The following ELMO1 variants were observed in gnomAD, a reference collection of about 807,000 sequenced individuals.
The protein encoded by ELMO1 is engulfment and cell motility 1, also known as engulfment and cell motility protein 1.
In ELMO1, 26 loss-of-function variants were observed where a neutral mutation model predicts 98.9. That is an observed-to-expected ratio of 0.26 (90% CI 0.19 to 0.36). The LOEUF (loss-of-function observed/expected upper bound fraction) is 0.36. Among genes scored for constraint, ELMO1 ranks in the 10% least tolerant of loss-of-function variants. ELMO1 has a pLI of 1.00. For missense variants in ELMO1, 627 were observed against 935.2 expected (o/e 0.67, Z 4.30); for synonymous variants, 346 against 346.0 (o/e 1.00, Z 0.00).
intron 15 of ELMO1, among the ~76,000 whole-genome samples, chr7:37,032,977 G>A (rs952588410): frequency 3.9e-5 from 6 of 152,054 alleles, no homozygotes; most frequent in African/African-American, 9.7e-5. Context: ...AGGATGGGTG[G>A]AATCTAAATC....
At chr7:37,333,508 G>A (rs1305950353) in intron 2 of ELMO1, among the ~76,000 whole-genome samples, 1 of 152,182 alleles carries the variant, frequency 6.6e-6, no homozygotes, top group Non-Finnish European at 1.5e-5. Context: ...GAAGGAAAAG[G>A]AGAATGCCAG....
intron 13 of ELMO1, among the ~76,000 whole-genome samples, chr7:37,174,606 T>G (rs1790398934): frequency 6.6e-6 from 1 of 152,132 alleles, no homozygotes; most frequent in African/African-American, 2.4e-5. Context: ...TGAGCTTAAG[T>G]GTCACTCCTG....
intron 1 of ELMO1, among the ~76,000 whole-genome samples, chr7:37,382,093 T>C (rs1375390698): frequency 6.6e-6 from 1 of 152,204 alleles, no homozygotes; most frequent in Admixed American, 6.5e-5. Context: ...AATTTTGAAA[T>C]ATTTTAGCTA....
chr7:37,376,017 T>C, intron 1 of ELMO1: 1 of 478,950 alleles, frequency 2.1e-6, no homozygotes. Context: ...GTCAGCCACC[T>C]CAGTAAAACT....
At chr7:37,392,464 G>A (rs972248196) in intron 1 of ELMO1, among the ~76,000 whole-genome samples, 2 of 152,194 alleles carry the variant, frequency 1.3e-5, no homozygotes, top group African/African-American at 2.4e-5. Flanking sequence ...GAGGCCATTC[G>A]CATATCTAAA....
At chr7:37,389,530 T>G (rs1460146504) in intron 1 of ELMO1, among the ~76,000 whole-genome samples, 1 of 152,212 alleles carries the variant, frequency 6.6e-6, no homozygotes, top group Non-Finnish European at 1.5e-5. Flanking sequence ...ACCTGAAATG[T>G]GTACACTTCA....
chr7:37,117,239 C>A (rs1312819942), intron 14 of ELMO1: 3 of 154,518 alleles, frequency 1.9e-5, no homozygotes, highest in Non-Finnish European at 2.9e-5. Context: ...CAACGGCAAA[C>A]AAACAAGCAA....
chr7:37,154,104 G>T (rs537767135), intron 13 of ELMO1, among the ~76,000 whole-genome samples: 1 of 152,128 alleles, frequency 6.6e-6, no homozygotes. Flanking sequence ...CAAACAGAAA[G>T]GAATAGCATC....
intron 2 of ELMO1, among the ~76,000 whole-genome samples, chr7:37,341,819 A>T (rs1354549464): frequency 6.6e-6 from 1 of 152,230 alleles, no homozygotes; most frequent in Non-Finnish European, 1.5e-5. Flanking sequence ...CCTATACTAT[A>T]TACATTATGA....
chr7:37,337,110 T>C (rs774615088), intron 2 of ELMO1, among the ~76,000 whole-genome samples: 5 of 152,196 alleles, frequency 3.3e-5, no homozygotes, highest in Middle Eastern at 6.3e-3. Context: ...CGTATGTTTA[T>C]TGCGGCACTA....
At chr7:37,335,230 T>G (rs957609525) in intron 2 of ELMO1, among the ~76,000 whole-genome samples, 3 of 152,102 alleles carry the variant, frequency 2.0e-5, no homozygotes, top group African/African-American at 7.2e-5. Context: ...CAGAAAAGGT[T>G]TGAGTACAAA....
chr7:37,258,540 G>A (rs1037547046), intron 6 of ELMO1, among the ~76,000 whole-genome samples: 1 of 152,104 alleles, frequency 6.6e-6, no homozygotes, highest in South Asian at 2.1e-4. Context: ...CCATATGATA[G>A]TCTCCATCAA....
intron 15 of ELMO1, among the ~76,000 whole-genome samples, chr7:37,037,326 T>C (rs534330570): frequency 1.3e-5 from 2 of 152,316 alleles, no homozygotes; most frequent in Admixed American, 6.5e-5. Context: ...TAACCTTTCA[T>C]TTATTACAGG....
rs559964289 is a variant in ELMO1 at position 37,342,036 on chromosome 7, T to C, written c.78+577A>G. 9.1e-4 allele frequency among the ~76,000 whole-genome samples: 139 copies of C among 152,330 alleles called. 1 individual carries two copies. The highest frequency in any genetic ancestry group is 3.2e-3 in the African/African-American group (135 of 41,570). On this transcript the variant is annotated intron_variant, in intron 2 of 21. Coordinates refer to ENST00000310758, the MANE Select transcript of ELMO1 (RefSeq NM_014800.11). The surrounding 1 kb of genome is among the most constrained non-coding windows in gnomAD (Gnocchi z 4.3). ...ACTTTTATAAGTCTTCTTGATATTT[T>C]TTAATTCAATAAACATTTGTTGAGT...
chr7:36,983,466 C>T (rs953115545), intron 16 of ELMO1, among the ~76,000 whole-genome samples: 1 of 152,220 alleles, frequency 6.6e-6, no homozygotes, highest in Admixed American at 6.5e-5. Flanking sequence ...CCCCTATATA[C>T]TCACTCTCCT....
At chr7:37,328,009 G>A (rs1307352574) in intron 2 of ELMO1, among the ~76,000 whole-genome samples, 2 of 152,048 alleles carry the variant, frequency 1.3e-5, no homozygotes, top group Non-Finnish European at 1.5e-5. Context: ...TTTTTTGAGT[G>A]ACTACCATAT....
chr7:37,076,082 C>T (rs1797562780), intron 15 of ELMO1, among the ~76,000 whole-genome samples: 1 of 152,188 alleles, frequency 6.6e-6, no homozygotes, highest in Non-Finnish European at 1.5e-5. Flanking sequence ...TAATGAAACA[C>T]TTCCCTTTGC....
At chr7:36,957,638 A>C (rs993238245) in intron 16 of ELMO1, among the ~76,000 whole-genome samples, 4 of 149,684 alleles carry the variant, frequency 2.7e-5, no homozygotes, top group Admixed American at 1.3e-4. Context: ...TGTCATTGAA[A>C]ATACAGAACC....
At chr7:37,305,326 T>C (rs778056785) in intron 4 of ELMO1, among the ~76,000 whole-genome samples, 8 of 152,254 alleles carry the variant, frequency 5.3e-5, no homozygotes, top group African/African-American at 9.6e-5. Context: ...ACTGTATTAC[T>C]GTTTGATGAT....
Sources: allele counts gnomAD v4.1 joint callset (sites outside exome capture counted in the v4.1 genomes callset), GRCh38; gene constraint gnomAD v4.1.1; non-coding constraint Gnocchi (gnomAD v3.1); transcripts MANE v1.5; gene names NCBI Gene and HGNC (gene_info 2026-07-23, HGNC 2026-07-21).